The following LINGO1 variants were observed in gnomAD, a reference collection of about 807,000 sequenced individuals.
The protein encoded by LINGO1 is leucine rich repeat and Ig domain containing 1, also known as leucine-rich repeat and immunoglobulin-like domain-containing nogo receptor-interacting protein 1.
A neutral mutation model predicts 37.3 loss-of-function variants in LINGO1; 11 were observed. The ratio of observed to expected loss-of-function variants is 0.29; its 90% CI spans 0.19 to 0.49. LINGO1 has a LOEUF of 0.49. Ranked by LOEUF, LINGO1 falls within the 20% of genes least tolerant of loss-of-function variation. The pLI is 0.99. For missense variants in LINGO1, 585 were observed against 878.2 expected (o/e 0.67, Z 4.22); for synonymous variants, 387 against 403.0 (o/e 0.96, Z 0.48).
intron 1 of LINGO1, among the ~76,000 whole-genome samples, chr15:77,784,010 G>A (rs565083924): frequency 1.3e-5 from 2 of 152,222 alleles, no homozygotes; most frequent in Non-Finnish European, 2.9e-5. Flanking sequence ...CAGGGAGGAC[G>A]GTGCTGCGCC....
At chr15:77,706,006 G>A (rs934636582) in intron 2 of LINGO1, among the ~76,000 whole-genome samples, 20 of 152,304 alleles carry the variant, frequency 1.3e-4, no homozygotes, top group Admixed American at 2.0e-4. Context: ...TGTGTGGCCC[G>A]GGGTGGGCCG....
intron 3 of LINGO1, among the ~76,000 whole-genome samples, chr15:77,644,109 C>A (rs143649144): frequency 6.6e-4 from 100 of 152,340 alleles, no homozygotes; most frequent in African/African-American, 2.4e-3. Context: ...ATCTGCTTTG[C>A]GAATGTATCT....
intron 2 of LINGO1, among the ~76,000 whole-genome samples, chr15:77,681,699 G>A (rs2075416577): frequency 6.6e-6 from 1 of 152,266 alleles, no homozygotes; most frequent in African/African-American, 2.4e-5. Context: ...GAGGCAAATG[G>A]TGAAGGCAGC....
chr15:77,762,308 G>C (rs1426674151), intron 1 of LINGO1, among the ~76,000 whole-genome samples: 1 of 152,254 alleles, frequency 6.6e-6, no homozygotes, highest in African/African-American at 2.4e-5. Flanking sequence ...AAGCACATGT[G>C]TTTGCTACGC....
rs752005315 is a variant in LINGO1 at position 77,614,363 on chromosome 15, C to T, written c.1544G>A (p.Arg515His). 25 of 1,613,822 alleles carry T rather than the reference C, an allele frequency of 1.5e-5. No homozygotes were observed. The highest frequency in any genetic ancestry group is 2.2e-5 in the East Asian group (1 of 44,888). Residue 515 changes from arginine (R) to histidine (H), a missense_variant, in exon 2 of 2, where the codon CGC (arginine) becomes CAC (histidine). By Grantham distance (29) the Arg-to-His change is conservative. Coordinates refer to ENST00000355300, the MANE Select transcript of LINGO1 (RefSeq NM_032808.7). The part of the protein sequence containing the change: ...NDSMPAHLHV[R>H]SYSPDWPHQP... ...ATGGGGCCAGTCGGGCGAGTAGCTG[C>T]GCACATGCAGGTGGGCGGGCATGGA...
At chr15:77,699,621 CACAAACTAA>C (rs2075748425), upstream of LINGO1, among the ~76,000 whole-genome samples, 1 of 151,612 alleles carries the variant, frequency 6.6e-6, no homozygotes, top group Admixed American at 6.6e-5. Context: ...CCATCATCTG[CACAAACTAA>C]ACACATACTA....
At chr15:77,708,417 C>T (rs2075878711) in intron 2 of LINGO1, among the ~76,000 whole-genome samples, 1 of 152,138 alleles carries the variant, frequency 6.6e-6, no homozygotes, top group South Asian at 2.1e-4. Context: ...AGGGGTGAAG[C>T]CACAGGGTGG....
At chr15:77,668,611 G>A (rs979292012) in intron 3 of LINGO1, among the ~76,000 whole-genome samples, 6 of 152,138 alleles carry the variant, frequency 3.9e-5, no homozygotes, top group Non-Finnish European at 5.9e-5. Flanking sequence ...GGGTCACGAC[G>A]CATGCGCAGG....
intron 1 of LINGO1, among the ~76,000 whole-genome samples, chr15:77,752,227 C>T (rs966819848): frequency 6.6e-6 from 1 of 152,226 alleles, no homozygotes; most frequent in South Asian, 2.1e-4. Flanking sequence ...CATTGTCTCC[C>T]CCAAGGTGGA....
At chr15:77,638,043 G>C (rs532042396), upstream of LINGO1, among the ~76,000 whole-genome samples, 80 of 152,396 alleles carry the variant, frequency 5.2e-4, no homozygotes, top group Non-Finnish European at 9.6e-4. Flanking sequence ...TTGTCTAGAA[G>C]CAACGTAGTC....
At chr15:77,778,718 A>G (rs2076685991) in intron 1 of LINGO1, among the ~76,000 whole-genome samples, 1 of 152,068 alleles carries the variant, frequency 6.6e-6, no homozygotes, top group South Asian at 2.1e-4. Context: ...CCAAGCCACC[A>G]TCTCCCTCCG....
chr15:77,739,177 G>A (rs2076235015), intron 1 of LINGO1, among the ~76,000 whole-genome samples: 1 of 152,250 alleles, frequency 6.6e-6, no homozygotes, highest in Non-Finnish European at 1.5e-5. Context: ...GCCAACAGCT[G>A]GTGCCGCTGC....
chr15:77,619,235 G>C (rs1217522647), intron 1 of LINGO1, among the ~76,000 whole-genome samples: 1 of 152,172 alleles, frequency 6.6e-6, no homozygotes, highest in African/African-American at 2.4e-5. Context: ...TCAGAGTGAA[G>C]TGTGACACAG....
At chr15:77,618,060 C>T (rs978051086) in intron 1 of LINGO1, among the ~76,000 whole-genome samples, 4 of 152,210 alleles carry the variant, frequency 2.6e-5, no homozygotes, top group African/African-American at 9.7e-5. Context: ...TCCTGACAGG[C>T]GATCAATAAG....
chr15:77,736,989 G>A (rs1176884850), intron 1 of LINGO1, among the ~76,000 whole-genome samples: 3 of 152,174 alleles, frequency 2.0e-5, no homozygotes, highest in East Asian at 1.9e-4. Flanking sequence ...CACGTGGGGT[G>A]TACCCTCACC....
At chr15:77,622,972 G>A (rs370903295) in intron 1 of LINGO1, among the ~76,000 whole-genome samples, 4 of 152,154 alleles carry the variant, frequency 2.6e-5, no homozygotes, top group African/African-American at 9.7e-5. Context: ...TGGCACTTCT[G>A]CGGCCTCCTC....
chr15:77,620,666 C>T (rs898662109), intron 1 of LINGO1, among the ~76,000 whole-genome samples: 1 of 152,358 alleles, frequency 6.6e-6, no homozygotes, highest in East Asian at 1.9e-4. Context: ...TCGACATCCT[C>T]AAACCTTGCT....
At chr15:77,663,621 C>A (rs1030690622) in intron 3 of LINGO1, among the ~76,000 whole-genome samples, 9 of 152,376 alleles carry the variant, frequency 5.9e-5, no homozygotes, top group Admixed American at 2.0e-4. Flanking sequence ...AGACCCCCAG[C>A]CCCTGCCCCA....
At chr15:77,750,588 G>A (rs527621544) in intron 1 of LINGO1, among the ~76,000 whole-genome samples, 1 of 152,168 alleles carries the variant, frequency 6.6e-6, no homozygotes, top group East Asian at 1.9e-4. Flanking sequence ...GCCTGCTTCT[G>A]GTCTGGTCCA....
Sources: allele counts gnomAD v4.1 joint callset (sites outside exome capture counted in the v4.1 genomes callset), GRCh38; gene constraint gnomAD v4.1.1; transcripts MANE v1.5; gene names NCBI Gene and HGNC (gene_info 2026-07-23, HGNC 2026-07-21).